Variants in NRXN3 observed in about 807,000 individuals in gnomAD.
NRXN3 encodes neurexin III.
NRXN3 carries 32 observed loss-of-function variants against 137.6 expected under a neutral mutation model. The observed-to-expected ratio is 0.23, with a 90% CI of 0.18 to 0.31. NRXN3 has a LOEUF of 0.31. NRXN3 is among the 10% of genes least tolerant of loss of function. NRXN3 has a pLI of 1.00. For missense variants in NRXN3, 1,574 were observed against 2,062.5 expected (o/e 0.76, Z 4.59); for synonymous variants, 798 against 784.5 (o/e 1.02, Z -0.29).
chr14:78,614,299 GA>G, intron 4 of NRXN3, among the ~76,000 whole-genome samples: 1 of 152,108 alleles, frequency 6.6e-6, no homozygotes, highest in Admixed American at 6.5e-5. Flanking sequence ...GTATTGATCT[GA>G]AAGGATGGAA....
intron 15 of NRXN3, among the ~76,000 whole-genome samples, chr14:79,001,988 A>G (rs2099542293): frequency 6.6e-6 from 1 of 152,182 alleles, no homozygotes; most frequent in Admixed American, 6.5e-5. Context: ...AGCAAGTAGG[A>G]TTTTGAGTAG....
chr14:78,274,996 C>T (rs181295223), intron 2 of NRXN3, among the ~76,000 whole-genome samples: 2 of 152,288 alleles, frequency 1.3e-5, no homozygotes, highest in Admixed American at 1.3e-4. Flanking sequence ...TTAGAAATAA[C>T]TAACTGAACA....
intron 4 of NRXN3, among the ~76,000 whole-genome samples, chr14:78,347,798 T>C (rs2153589221): frequency 6.6e-6 from 1 of 152,280 alleles, no homozygotes; most frequent in Non-Finnish European, 1.5e-5. Context: ...GTACTTAGTA[T>C]ATCAGAAGCT....
intron 4 of NRXN3, among the ~76,000 whole-genome samples, chr14:78,351,106 G>C (rs1250828827): frequency 1.3e-5 from 2 of 152,150 alleles, no homozygotes; most frequent in Non-Finnish European, 2.9e-5. Flanking sequence ...ATAGTTAAGT[G>C]TTCATAAACA....
intron 10 of NRXN3, among the ~76,000 whole-genome samples, chr14:78,838,152 A>C (rs576858850): frequency 6.6e-6 from 1 of 152,274 alleles, no homozygotes; most frequent in African/African-American, 2.4e-5. Flanking sequence ...TTTTACAACC[A>C]AGTCTTTAAT....
intron 15 of NRXN3, among the ~76,000 whole-genome samples, chr14:79,400,053 C>T (rs1330441770): frequency 2.0e-5 from 3 of 152,312 alleles, no homozygotes; most frequent in South Asian, 2.1e-4. Flanking sequence ...TGACCTGATA[C>T]GAACACTAGT....
chr14:78,204,923 T>C (rs1014582065), intron 1 of NRXN3, among the ~76,000 whole-genome samples: 1 of 152,220 alleles, frequency 6.6e-6, no homozygotes, highest in Non-Finnish European at 1.5e-5. Flanking sequence ...TGGAGTTCTT[T>C]GGAAGTTTTC....
chr14:78,810,163 C>T, intron 9 of NRXN3, 155 bp from the exon 10 acceptor site: 1 of 592,366 alleles, frequency 1.7e-6, no homozygotes, highest in Non-Finnish European at 3.0e-6. Context: ...TACATATACA[C>T]CCACCCTTAA....
chr14:78,385,331 A>G (rs1181291684), intron 4 of NRXN3, among the ~76,000 whole-genome samples: 2 of 147,738 alleles, frequency 1.4e-5, no homozygotes, highest in East Asian at 2.0e-4. Flanking sequence ...ACACACACAC[A>G]CACGCATATA....
chr14:78,669,173 G>A (rs1438050089), intron 6 of NRXN3, among the ~76,000 whole-genome samples: 1 of 152,132 alleles, frequency 6.6e-6, no homozygotes, highest in Non-Finnish European at 1.5e-5. Context: ...TCCATAGAGA[G>A]AGAATAGCGT....
chr14:79,777,066 G>A (rs1300218314), intron 19 of NRXN3, among the ~76,000 whole-genome samples: 3 of 152,118 alleles, frequency 2.0e-5, no homozygotes, highest in Non-Finnish European at 2.9e-5. Flanking sequence ...AGCAGGAGAC[G>A]AGAGAGTAAT....
chr14:78,454,864 G>A (rs1028982842), intron 4 of NRXN3, among the ~76,000 whole-genome samples: 29 of 152,262 alleles, frequency 1.9e-4, no homozygotes, highest in South Asian at 4.1e-4. Flanking sequence ...TGGGTGGTGA[G>A]GGGTAAGACT....
chr14:79,376,009 A>C (rs1021149499), intron 15 of NRXN3, among the ~76,000 whole-genome samples: 7 of 148,270 alleles, frequency 4.7e-5, no homozygotes, highest in African/African-American at 1.7e-4. Context: ...TGTATATAAT[A>C]ATATACATAT....
At chr14:79,677,998 T>C (rs1179905967) in intron 17 of NRXN3, among the ~76,000 whole-genome samples, 1 of 152,184 alleles carries the variant, frequency 6.6e-6, no homozygotes, top group Non-Finnish European at 1.5e-5. Context: ...GGCTGCATAA[T>C]TATATAACTG....
intron 10 of NRXN3, among the ~76,000 whole-genome samples, chr14:78,876,771 C>G (rs2099114929): frequency 6.6e-6 from 1 of 152,168 alleles, no homozygotes; most frequent in African/African-American, 2.4e-5. Flanking sequence ...CCTAATGACA[C>G]TTACCACATG....
chr14:78,588,704 A>G (rs2097090553), intron 4 of NRXN3, among the ~76,000 whole-genome samples: 1 of 152,196 alleles, frequency 6.6e-6, no homozygotes, highest in Admixed American at 6.5e-5. Flanking sequence ...CACAATCTAC[A>G]TCTGTGAAGC....
At chr14:78,207,399 C>T (rs1041131397) in intron 1 of NRXN3, among the ~76,000 whole-genome samples, 2 of 152,150 alleles carry the variant, frequency 1.3e-5, no homozygotes, top group Non-Finnish European at 2.9e-5. Context: ...GTGGATGACT[C>T]CCCAGTTGAT....
rs1362976615 is a variant in NRXN3, at chr14:78,709,389, C to A, written c.1394C>A (p.Thr465Asn). 6.2e-7 allele frequency: 1 copy of A among 1,614,166 alleles called. No homozygotes were observed. Among genetic ancestry groups the A allele is most frequent in the South Asian group, 1.1e-5 (1 of 91,078 alleles). ...TACATCAGCTTGCCCAAGTGGAACA[C>A]TAAACGTATGGGCTCCATCTCCTTT... is the stretch of plus-strand genomic sequence containing the variant. ...EAYISLPKWN[T>N]KRMGSISFDF... The change falls in exon 7 of 21, where the codon ACT (threonine) becomes AAT (asparagine). Residue 465 changes from threonine to asparagine, a missense_variant. Coordinates refer to ENST00000335750, the MANE Select transcript of NRXN3 (RefSeq NM_001330195.2).
At chr14:78,693,668 TGTGTGTG>T (rs1567074708) in intron 6 of NRXN3, among the ~76,000 whole-genome samples, 1 of 99,712 alleles carries the variant, frequency 1.0e-5, no homozygotes, top group African/African-American at 5.4e-5. Flanking sequence ...TGTGTGTGTG[TGTGTGTG>T]TGTGTGTGTG....
Sources: gnomAD v4.1 joint callset for allele counts (sites outside exome capture counted in the v4.1 genomes callset) on GRCh38, gnomAD v4.1.1 for gene constraint, MANE v1.5 for transcripts, NCBI Gene and HGNC (gene_info 2026-07-23, HGNC 2026-07-21) for gene names.